EXOC5: variants seen among roughly 807,000 people sequenced by gnomAD.
The protein encoded by EXOC5 is exocyst complex component 5.
A neutral mutation model predicts 90.8 loss-of-function variants in EXOC5; 17 were observed. The observed-to-expected ratio is 0.19, with a 90% CI of 0.13 to 0.28. EXOC5 has a LOEUF of 0.28. EXOC5 is among the 10% of genes least tolerant of loss of function. The probability of loss-of-function intolerance (pLI) is 1.00; values close to 1 mark genes in which losing one functional copy is unlikely to be tolerated. For missense variants in EXOC5, 569 were observed against 830.6 expected (o/e 0.69, Z 3.87); for synonymous variants, 260 against 270.0 (o/e 0.96, Z 0.36).
chr14:57,231,877 G>C, intron 10 of EXOC5, 162 bp from the exon 11 acceptor site: 1 of 563,186 alleles, frequency 1.8e-6, no homozygotes. Context: ...AACTCTACAG[G>C]GTTACATATA....
At chr14:57,220,364 T>C (rs954744814) in intron 13 of EXOC5, among the ~76,000 whole-genome samples, 4 of 152,032 alleles carry the variant, frequency 2.6e-5, no homozygotes, top group African/African-American at 7.2e-5. Context: ...ATTAAGGCAA[T>C]ATTGATGTAC....
Position 57,208,571 on chromosome 14 carries a change from T to A in EXOC5, c.*38A>T. The stretch of plus-strand genomic sequence containing the variant: ...TGCTGAAGTATAAGACATTCCTCTG[T>A]AAAGGAACTGACACTGAATTCCTTT... On this transcript the variant is annotated 3_prime_UTR_variant, in exon 18 of 18. Coordinates refer to ENST00000621441, the MANE Select transcript of EXOC5 (RefSeq NM_006544.4). 1 of 1,513,512 alleles carries A rather than the reference T, an allele frequency of 6.6e-7. No homozygotes were observed. The highest frequency in any genetic ancestry group is 9.1e-7 in the Non-Finnish European group (1 of 1,095,460). 93.8% of individuals were successfully genotyped at this position (1,513,512 alleles called of 1,614,324 possible). A position where few individuals can be genotyped will look rare whatever the true frequency, so the allele number is the denominator to read the frequency against.
At position 57,268,695 on chromosome 14, in the gene EXOC5, T is replaced by A; in HGVS notation, c.-47A>T. ...CCCCCCACTGGATGCCGTCTCCGCT[T>A]CACATGCTGCGCCTCAGAGGCGCGG... On this transcript the variant is annotated 5_prime_UTR_variant, in exon 1 of 18. The change abolishes the stop of an existing upstream ORF in the 5' untranslated region. Transcript: ENST00000621441. The A allele has an allele frequency of 6.4e-7, 1 of 1,562,802 alleles. No individual in the cohort carries two copies. Among genetic ancestry groups the A allele is most frequent in the Non-Finnish European group, 8.6e-7 (1 of 1,163,856 alleles).
At position 57,208,735 on chromosome 14, in the gene EXOC5, G is replaced by A; in HGVS notation, c.2001C>T (p.Ala667=). The A allele has an allele frequency of 6.2e-7, 1 of 1,610,274 alleles. No individual in the cohort carries two copies. The highest frequency in any genetic ancestry group is 8.5e-7 in the Non-Finnish European group (1 of 1,177,046). ...LHALCNLLVV[A]PDNLKQVCSG... ...AGCAGACTTGCTTTAAATTATCTGG[G>A]GCAACTACCAGAAGATTGCAAAGAG... Residue 667 remains alanine (A), a synonymous_variant, in exon 18 of 18, where the codon GCC becomes GCT. Transcript: ENST00000621441.
intron 10 of EXOC5, 25 bp downstream of exon 10, chr14:57,232,642 T>C (rs1304748814): frequency 2.0e-6 from 2 of 1,006,302 alleles, no homozygotes; most frequent in Non-Finnish European, 3.0e-6. Flanking sequence ...TGTTATCTAT[T>C]ATTTTCTAAT....
chr14:57,246,604 T>C (rs1338742632), intron 3 of EXOC5, 107 bp downstream of exon 3: 1 of 947,400 alleles, frequency 1.1e-6, no homozygotes. Context: ...GAAAGAAATC[T>C]TGACAGTTAC....
intron 12 of EXOC5, among the ~76,000 whole-genome samples, chr14:57,222,697 CATAT>C (rs145170163): frequency 6.2e-5 from 9 of 145,224 alleles, no homozygotes; most frequent in African/African-American, 2.0e-4. Context: ...TGTATACCCC[CATAT>C]ATATATATAT....
chr14:57,221,347 T>A (rs1191811303), intron 13 of EXOC5, among the ~76,000 whole-genome samples: 1 of 152,200 alleles, frequency 6.6e-6, no homozygotes, highest in African/African-American at 2.4e-5. Context: ...CATGCTTCTC[T>A]ACAGTTTGCT....
At chr14:57,230,287 CATG>C (rs1374322965) in intron 11 of EXOC5, among the ~76,000 whole-genome samples, 2 of 152,196 alleles carry the variant, frequency 1.3e-5, no homozygotes, top group African/African-American at 2.4e-5. Context: ...CACATTTATT[CATG>C]ATATTAAAGA....
chr14:57,233,635 C>G (rs934339748), intron 9 of EXOC5, 108 bp downstream of exon 9: 2 of 670,270 alleles, frequency 3.0e-6, no homozygotes, highest in African/African-American at 3.7e-5. Context: ...ATTACTATTT[C>G]TAAGGTCATT....
At chr14:57,239,389 A>G (rs1883784751) in intron 5 of EXOC5, 1 of 396,596 alleles carries the variant, frequency 2.5e-6, no homozygotes, top group East Asian at 4.1e-5. Flanking sequence ...TTAAATTTAG[A>G]TATTAAGAAG....
rs1882556306 is a variant in EXOC5, at chr14:57,203,318, T to A, written c.*5291A>T. 4 of 152,268 alleles carry A rather than the reference T, an allele frequency of 2.6e-5. No homozygotes were observed. In the South Asian group the frequency reaches 8.3e-4, roughly 32 times the overall value. 9.4% of individuals were successfully genotyped at this position (152,268 alleles called of 1,614,324 possible). ...AAAATGATAGGCAGGCAAAGAGGGATGGCCTCACTTAGAGGCACCTGCCAA... is the reference window on the plus strand; with the variant it reads ...AAAATGATAGGCAGGCAAAGAGGGAAGGCCTCACTTAGAGGCACCTGCCAA... On this transcript the variant is annotated 3_prime_UTR_variant, in exon 18 of 18. Transcript: ENST00000621441.
At chr14:57,218,425 A>G (rs1332835327) in intron 14 of EXOC5, among the ~76,000 whole-genome samples, 1 of 152,088 alleles carries the variant, frequency 6.6e-6, no homozygotes, top group Non-Finnish European at 1.5e-5. Context: ...ATACCAAGAA[A>G]AGTTATAGAC....
chr14:57,268,494 C>G, intron 1 of EXOC5, 128 bp downstream of exon 1: 1 of 1,530,290 alleles, frequency 6.5e-7, no homozygotes, highest in Non-Finnish European at 8.7e-7. Flanking sequence ...CACCCCAACC[C>G]TTCTGTTTCG....
intron 15 of EXOC5, among the ~76,000 whole-genome samples, chr14:57,215,412 T>C (rs1299051845): frequency 1.4e-5 from 2 of 144,964 alleles, no homozygotes; most frequent in Non-Finnish European, 3.1e-5. Flanking sequence ...AATAAAGATG[T>C]AAAAAAAAAA....
intron 1 of EXOC5, among the ~76,000 whole-genome samples, chr14:57,261,703 T>G (rs940979157): frequency 1.3e-5 from 2 of 152,200 alleles, no homozygotes; most frequent in Non-Finnish European, 2.9e-5. Context: ...TGAAATAAGC[T>G]GGGGCTGCTC....
Position 57,237,333 on chromosome 14 carries a change from C to T in EXOC5, c.559+5G>A. 1 of 1,452,304 alleles carries T rather than the reference C, an allele frequency of 6.9e-7. No individual in the cohort carries two copies. Among genetic ancestry groups the T allele is most frequent in the Non-Finnish European group, 9.4e-7 (1 of 1,059,174 alleles). 90.0% of individuals were successfully genotyped at this position (1,452,304 alleles called of 1,614,324 possible). ...AAAAAAAGGTAAAATAAATACATCA[C>T]TTACTTGCAATTTTGGATTTAACTT... On this transcript the variant is annotated splice_donor_5th_base_variant and intron_variant, in intron 6 of 17. Transcript: ENST00000621441.
chr14:57,268,037 C>G (rs866112107), intron 1 of EXOC5, among the ~76,000 whole-genome samples: 24 of 151,222 alleles, frequency 1.6e-4, no homozygotes, highest in African/African-American at 5.6e-4. Flanking sequence ...TCTCTTCAGT[C>G]GAAAGAGATA....
intron 1 of EXOC5, among the ~76,000 whole-genome samples, chr14:57,266,972 G>A (rs999972191): frequency 6.6e-6 from 1 of 152,084 alleles, no homozygotes; most frequent in Non-Finnish European, 1.5e-5. Flanking sequence ...TTAACTCAAA[G>A]GATAATGTCT....
Sources: gnomAD v4.1 joint callset for allele counts (sites outside exome capture counted in the v4.1 genomes callset) on GRCh38, gnomAD v4.1.1 for gene constraint, MANE v1.5 for transcripts, NCBI Gene and HGNC (gene_info 2026-07-23, HGNC 2026-07-21) for gene names.